The following B4GALT6 variants were observed in gnomAD, a reference collection of about 807,000 sequenced individuals.
B4GALT6 encodes the protein UDP-Gal:beta-GlcNAc beta-1,4-galactosyltransferase 6.
A neutral mutation model predicts 46.3 loss-of-function variants in B4GALT6; 14 were observed. That is an observed-to-expected ratio of 0.30 (90% CI 0.20 to 0.47). The LOEUF is 0.47. Among genes scored for constraint, B4GALT6 ranks in the 20% least tolerant of loss-of-function variants. The probability of loss-of-function intolerance (pLI) is 0.99; values close to 1 mark genes in which losing one functional copy is unlikely to be tolerated. For synonymous variants in B4GALT6, 168 were observed against 162.0 expected (o/e 1.04, Z -0.28); for missense variants, 386 against 480.1 (o/e 0.80, Z 1.83).
chr18:31,633,361 A>T (rs1303843328), intron 5 of B4GALT6, among the ~76,000 whole-genome samples: 1 of 152,088 alleles, frequency 6.6e-6, no homozygotes, highest in Non-Finnish European at 1.5e-5. Context: ...AGCGGAGGAG[A>T]GACTTACATT....
Position 31,655,471 on chromosome 18 carries a change from A to AC in B4GALT6, c.346+2504dup, listed in dbSNP as rs942495819. ...GGCAGTAGTGCTGAGACCCCTCCCC[A>AC]CCCCCAGTGAAAAGGCAGTGCACAG... is the stretch of plus-strand genomic sequence containing the variant. On this transcript the variant is annotated intron_variant, in intron 3 of 8. Coordinates refer to ENST00000306851, the MANE Select transcript of B4GALT6 (RefSeq NM_004775.5). Among the ~76,000 whole-genome samples the AC allele has an allele frequency of 3.9e-5, 6 of 151,954 alleles. No homozygotes were observed. In the East Asian group the frequency reaches 1.2e-3, roughly 29 times the overall value.
At chr18:31,684,700 G>A, upstream of B4GALT6, 1 of 1,144,318 alleles carries the variant, frequency 8.7e-7, no homozygotes, top group Non-Finnish European at 1.1e-6. Context: ...GGGGCCCGGG[G>A]ACGGCAGGAC....
intron 3 of B4GALT6, among the ~76,000 whole-genome samples, chr18:31,654,036 T>C (rs961069919): frequency 2.6e-5 from 4 of 152,208 alleles, no homozygotes; most frequent in Non-Finnish European, 5.9e-5. Context: ...ATTTGAATTA[T>C]TTAAATCCAT....
chr18:31,655,507 C>T (rs760236103), intron 3 of B4GALT6, among the ~76,000 whole-genome samples: 2 of 152,156 alleles, frequency 1.3e-5, no homozygotes, highest in Non-Finnish European at 2.9e-5. Flanking sequence ...CAGCCACGCA[C>T]GACGCAATCT....
intron 3 of B4GALT6, among the ~76,000 whole-genome samples, chr18:31,653,600 C>T (rs2074103035): frequency 6.6e-6 from 1 of 151,942 alleles, no homozygotes; most frequent in Non-Finnish European, 1.5e-5. Context: ...CACCACTGCA[C>T]TTGGCTAATT....
intron 8 of B4GALT6, 69 bp from the exon 9 acceptor site, chr18:31,625,830 T>C: frequency 1.5e-6 from 2 of 1,317,394 alleles, no homozygotes; most frequent in Admixed American, 2.7e-5. Context: ...ATAAGGACTG[T>C]GTTCAAGGTC....
At chr18:31,661,077 AAG>A (rs1363596983) in intron 2 of B4GALT6, among the ~76,000 whole-genome samples, 1 of 152,224 alleles carries the variant, frequency 6.6e-6, no homozygotes, top group African/African-American at 2.4e-5. Flanking sequence ...TGGGGGGAAA[AAG>A]AGTTAACAAG....
intron 1 of B4GALT6, among the ~76,000 whole-genome samples, chr18:31,674,141 T>G (rs183597964): frequency 6.6e-6 from 1 of 152,348 alleles, no homozygotes; most frequent in Admixed American, 6.5e-5. Context: ...TAATGTGTTA[T>G]GGCAGCCTTA....
intron 6 of B4GALT6, 96 bp from the exon 7 acceptor site, chr18:31,627,217 C>T: frequency 4.1e-6 from 4 of 984,508 alleles, no homozygotes; most frequent in South Asian, 1.8e-5. Flanking sequence ...GCAAAATATG[C>T]CCTTATATTC....
At chr18:31,663,125 T>C (rs1598911942) in intron 2 of B4GALT6, among the ~76,000 whole-genome samples, 1 of 152,176 alleles carries the variant, frequency 6.6e-6, no homozygotes, top group Non-Finnish European at 1.5e-5. Context: ...AACTGCCAGA[T>C]GGATCCCCTA....
intron 1 of B4GALT6, among the ~76,000 whole-genome samples, chr18:31,680,686 A>AT (rs1403224199): frequency 1.3e-5 from 2 of 152,340 alleles, no homozygotes; most frequent in East Asian, 3.9e-4. Context: ...AGCCCCACTG[A>AT]TTACAGGCAC....
intron 1 of B4GALT6, among the ~76,000 whole-genome samples, chr18:31,680,090 A>C (rs558834706): frequency 6.6e-6 from 1 of 152,196 alleles, no homozygotes; most frequent in African/African-American, 2.4e-5. Flanking sequence ...CCCAGAAAAA[A>C]GAGATGCCCA....
rs1471700675 is a variant in B4GALT6 at position 31,624,772 on chromosome 18, A to T, written c.*842T>A. The T allele has an allele frequency of 6.6e-6, 1 of 152,554 alleles. No homozygotes were observed. The highest frequency in any genetic ancestry group is 1.5e-5 in the Non-Finnish European group (1 of 68,022). The allele number at this position is 152,554 out of a possible 1,614,324, so 9.5% of individuals were successfully genotyped here. ...CTTGGAAACATTTTTTGAGGCACAA[A>T]ATCCCTGACACACCAGAGGTACATG... is the stretch of plus-strand genomic sequence containing the variant. On this transcript the variant is annotated 3_prime_UTR_variant, in exon 9 of 9. Transcript: ENST00000306851.
chr18:31,630,693 C>A (rs1473104385), intron 6 of B4GALT6, among the ~76,000 whole-genome samples: 2 of 152,076 alleles, frequency 1.3e-5, no homozygotes, highest in Non-Finnish European at 2.9e-5. Flanking sequence ...GTGTGAGAAC[C>A]CAAGTTTAAA....
At chr18:31,684,950 C>T (rs1009952520), upstream of B4GALT6, among the ~76,000 whole-genome samples, 3 of 148,342 alleles carry the variant, frequency 2.0e-5, no homozygotes, top group African/African-American at 7.3e-5. Context: ...CCTCCTACTC[C>T]GGGCCGCGGC....
At chr18:31,697,133 A>G in the B4GALT6 span, among the ~76,000 whole-genome samples, 1 of 152,148 alleles carries the variant, frequency 6.6e-6, no homozygotes, top group Non-Finnish European at 1.5e-5. Context: ...TTAGCTGGGC[A>G]TGGTGGTGTG....
At chr18:31,688,082 AT>A (rs1880439617), upstream of B4GALT6, among the ~76,000 whole-genome samples, 1 of 152,048 alleles carries the variant, frequency 6.6e-6, no homozygotes, top group Non-Finnish European at 1.5e-5. Context: ...TAGTAATTAT[AT>A]CTGTTTAAAT....
intron 2 of B4GALT6, among the ~76,000 whole-genome samples, chr18:31,658,621 C>T (rs1163585435): frequency 6.6e-6 from 1 of 152,156 alleles, no homozygotes; most frequent in African/African-American, 2.4e-5. Flanking sequence ...GCTGCAGCCC[C>T]GGGGGAGCCC....
chr18:31,715,488 CA>C, the B4GALT6 span, among the ~76,000 whole-genome samples: 6 of 150,782 alleles, frequency 4.0e-5, no homozygotes, highest in Admixed American at 2.0e-4. Flanking sequence ...CTCAGCCTCC[CA>C]GAGTGCTGGA....
Sources: allele counts gnomAD v4.1 joint callset (sites outside exome capture counted in the v4.1 genomes callset), GRCh38; gene constraint gnomAD v4.1.1; transcripts MANE v1.5; gene names NCBI Gene and HGNC (gene_info 2026-07-23, HGNC 2026-07-21).